CDK6: variants seen among roughly 807,000 people sequenced by gnomAD.
CDK6 encodes the protein cyclin dependent kinase 6, also known as cyclin-dependent kinase 6.
CDK6 carries 6 observed loss-of-function variants against 37.1 expected under a neutral mutation model. That is an observed-to-expected ratio of 0.16 (90% CI 0.09 to 0.32). The LOEUF is 0.32. Among genes scored for constraint, CDK6 ranks in the 10% least tolerant of loss-of-function variants. The probability of loss-of-function intolerance (pLI) is 1.00; values close to 1 mark genes in which losing one functional copy is unlikely to be tolerated. For synonymous variants in CDK6, 160 were observed against 161.3 expected, an observed-to-expected ratio of 0.99 and a Z score of 0.06; for missense variants, 224 against 418.9, an observed-to-expected ratio of 0.53 and a Z score of 4.06.
At chr7:92,804,955 C>T (rs1800685762) in intron 2 of CDK6, among the ~76,000 whole-genome samples, 1 of 152,182 alleles carries the variant, frequency 6.6e-6, no homozygotes, top group Admixed American at 6.5e-5. Context: ...GGGACAAATA[C>T]TGGTCATGTA....
intron 2 of CDK6, among the ~76,000 whole-genome samples, chr7:92,824,787 T>C (rs1482736930): frequency 6.6e-6 from 1 of 152,092 alleles, no homozygotes; most frequent in East Asian, 1.9e-4. Flanking sequence ...TAATATTGGA[T>C]CTTTGTATAC....
chr7:92,812,237 G>A (rs940166573), intron 2 of CDK6, among the ~76,000 whole-genome samples: 1 of 152,140 alleles, frequency 6.6e-6, no homozygotes, highest in Non-Finnish European at 1.5e-5. Context: ...AGACATTGAA[G>A]CTTAGAGGTA....
intron 2 of CDK6, among the ~76,000 whole-genome samples, chr7:92,776,042 C>T (rs917251806): frequency 1.3e-5 from 2 of 152,004 alleles, no homozygotes; most frequent in Non-Finnish European, 2.9e-5. Context: ...GGTATTTCTC[C>T]TAATGCTATC....
intron 7 of CDK6, 30 bp from the exon 8 acceptor site, chr7:92,615,316 T>C: frequency 6.6e-7 from 1 of 1,525,056 alleles, no homozygotes; most frequent in Admixed American, 1.7e-5. Flanking sequence ...AATTGGTTGA[T>C]ATACAATACA....
At chr7:92,831,821 A>G (rs549436610) in intron 2 of CDK6, among the ~76,000 whole-genome samples, 80 of 152,218 alleles carry the variant, frequency 5.3e-4, no homozygotes, top group Non-Finnish European at 1.1e-3. Flanking sequence ...AGAGGAGACA[A>G]GTTAAAACCT....
At chr7:92,713,942 C>T (rs998506975) in intron 4 of CDK6, among the ~76,000 whole-genome samples, 1 of 152,166 alleles carries the variant, frequency 6.6e-6, no homozygotes, top group Admixed American at 6.5e-5. Context: ...CCTTCCCAAC[C>T]TCAGTCCTCC....
At chr7:92,772,346 T>C (rs1398470223) in intron 3 of CDK6, among the ~76,000 whole-genome samples, 1 of 152,040 alleles carries the variant, frequency 6.6e-6, no homozygotes, top group Non-Finnish European at 1.5e-5. Context: ...TATGAAAACA[T>C]CAATACAACA....
intron 5 of CDK6, among the ~76,000 whole-genome samples, chr7:92,647,465 G>A (rs1377696804): frequency 6.6e-6 from 1 of 152,214 alleles, no homozygotes; most frequent in Non-Finnish European, 1.5e-5. Context: ...GCTCCAGGCA[G>A]ATGACTCCAG....
intron 4 of CDK6, among the ~76,000 whole-genome samples, chr7:92,686,097 C>G (rs1178498197): frequency 6.6e-6 from 1 of 152,158 alleles, no homozygotes; most frequent in African/African-American, 2.4e-5. Context: ...ACAGTGATAT[C>G]TAAGAAAAAC....
At chr7:92,711,154 G>GA (rs1464998779) in intron 4 of CDK6, among the ~76,000 whole-genome samples, 4 of 152,084 alleles carry the variant, frequency 2.6e-5, no homozygotes, top group African/African-American at 4.8e-5. Context: ...GTATTTCAGT[G>GA]AAAAAAACAT....
At chr7:92,764,730 T>C (rs1305290547) in intron 3 of CDK6, among the ~76,000 whole-genome samples, 1 of 152,208 alleles carries the variant, frequency 6.6e-6, no homozygotes, top group Non-Finnish European at 1.5e-5. Context: ...ATTATACAAC[T>C]TTTTGTGAAA....
intron 3 of CDK6, among the ~76,000 whole-genome samples, chr7:92,758,250 GTT>G (rs1192575920): frequency 2.6e-5 from 4 of 152,076 alleles, no homozygotes; most frequent in Non-Finnish European, 4.4e-5. Context: ...GTCTTCCAGG[GTT>G]TTTATAGTTT....
intron 5 of CDK6, among the ~76,000 whole-genome samples, chr7:92,649,807 A>G (rs1396511637): frequency 6.6e-6 from 1 of 152,244 alleles, no homozygotes; most frequent in African/African-American, 2.4e-5. Flanking sequence ...GAATTACAGC[A>G]TATGTCAGCA....
chr7:92,716,606 C>A (rs938236687), intron 4 of CDK6, among the ~76,000 whole-genome samples: 2 of 152,166 alleles, frequency 1.3e-5, no homozygotes, highest in Non-Finnish European at 2.9e-5. Flanking sequence ...AAAGCCTAAG[C>A]AAAATATTGC....
In CDK6 at chr7:92,771,475, T is replaced by A. The variant is rs180831135; in HGVS notation, c.369+3221A>T. ...AAAAGTAATTTAAATTTAAGTATTT[T>A]AAAAAATAGTTTGGCACAATATAGA... is the stretch of plus-strand genomic sequence containing the variant. On this transcript the variant is annotated intron_variant, in intron 3 of 7. Transcript: ENST00000424848. 4.7e-4 allele frequency among the ~76,000 whole-genome samples: 72 copies of A among 152,296 alleles called. No homozygotes were observed. In the East Asian group the frequency reaches 0.013, roughly 27 times the overall value.
rs532423679 is a variant in CDK6 at position 92,814,633 on chromosome 7, A to C, written c.233+18458T>G. On this transcript the variant is annotated intron_variant, in intron 2 of 7. Coordinates refer to ENST00000424848, the MANE Select transcript of CDK6 (RefSeq NM_001145306.2). ...AAGTGTAATCAGACTTCCAGTTCAA[A>C]ATGGTGGACCTATCACAAATATTTG... 5.9e-5 allele frequency among the ~76,000 whole-genome samples: 9 copies of C among 152,076 alleles called. No individual in the cohort carries two copies. The South Asian group carries it at 1.7e-3, about 28-fold the overall frequency.
At chr7:92,749,189 A>G in intron 3 of CDK6, among the ~76,000 whole-genome samples, 1 of 142,000 alleles carries the variant, frequency 7.0e-6, no homozygotes. Flanking sequence ...ACAGAGGGAG[A>G]CTCTGCCTAA....
chr7:92,634,923 G>A (rs1289433382), intron 5 of CDK6, among the ~76,000 whole-genome samples: 3 of 152,110 alleles, frequency 2.0e-5, no homozygotes, highest in African/African-American at 7.2e-5. Flanking sequence ...AGGACAAGAG[G>A]GACATGTGGG....
chr7:92,755,072 G>T (rs1427916768), intron 3 of CDK6, among the ~76,000 whole-genome samples: 3 of 152,136 alleles, frequency 2.0e-5, no homozygotes, highest in Non-Finnish European at 4.4e-5. Context: ...CAGCACTGTG[G>T]TAATTTCCCA....
Sources: allele counts gnomAD v4.1 joint callset (sites outside exome capture counted in the v4.1 genomes callset), GRCh38; gene constraint gnomAD v4.1.1; transcripts MANE v1.5; gene names NCBI Gene and HGNC (gene_info 2026-07-23, HGNC 2026-07-21).